The following DNAH10 variants were observed in gnomAD, a reference collection of about 807,000 sequenced individuals.
DNAH10 encodes axonemal beta dynein heavy chain 10.
In DNAH10, 348 loss-of-function variants were observed where a neutral mutation model predicts 506.6. That is an observed-to-expected ratio of 0.69 (90% CI 0.63 to 0.75). DNAH10 has a LOEUF of 0.75. Ranked by LOEUF, DNAH10 falls within the 30% of genes least tolerant of loss-of-function variation. The pLI, the probability that DNAH10 is intolerant of heterozygous loss-of-function variation, is 0.00. For synonymous variants in DNAH10, 2,059 were observed against 2,198.6 expected (o/e 0.94, Z 1.78); for missense variants, 5,179 against 5,787.1 (o/e 0.89, Z 3.41).
chr12:123,879,059 T>C (rs1427412309), intron 48 of DNAH10, among the ~76,000 whole-genome samples: 1 of 152,196 alleles, frequency 6.6e-6, no homozygotes, highest in Non-Finnish European at 1.5e-5. Flanking sequence ...CTACGGATGA[T>C]GACTTTAGGG....
intron 47 of DNAH10, among the ~76,000 whole-genome samples, chr12:123,876,953 C>G (rs1306693495): frequency 6.6e-6 from 1 of 152,068 alleles, no homozygotes; most frequent in African/African-American, 2.4e-5. Flanking sequence ...GAGCAAGACC[C>G]CATCTCAAAA....
chr12:123,915,219 T>A (rs1309938474), intron 62 of DNAH10, among the ~76,000 whole-genome samples: 1 of 150,094 alleles, frequency 6.7e-6, no homozygotes, highest in Non-Finnish European at 1.5e-5. Context: ...GCCTCTCCCC[T>A]CGCAGGCTGT....
At chr12:123,871,286 C>T (rs978104195) in intron 44 of DNAH10, among the ~76,000 whole-genome samples, 171 bp from the exon 45 acceptor site, 5 of 152,140 alleles carry the variant, frequency 3.3e-5, no homozygotes, top group Non-Finnish European at 5.9e-5. Flanking sequence ...CAGAACTGTG[C>T]CAAAGTCAAT....
rs1006549890 is a variant in DNAH10, at chr12:123,808,793, T to C, written c.2988-4T>C. The stretch of plus-strand genomic sequence containing the variant: ...TCTGAGTCTTTCTCATCAACCCCTC[T>C]TAGGAACTTGCAGTCTTTTAATTCT... On this transcript the variant is annotated splice_polypyrimidine_tract_variant and splice_region_variant and intron_variant, in intron 18 of 78. Transcript: ENST00000673944. The C allele has an allele frequency of 6.8e-6, 11 of 1,613,936 alleles. No homozygotes were observed. Among genetic ancestry groups the C allele is most frequent in the Non-Finnish European group, 9.3e-6 (11 of 1,180,008 alleles).
intron 2 of DNAH10, among the ~76,000 whole-genome samples, chr12:123,769,812 G>T (rs1283273691): frequency 6.6e-6 from 1 of 151,720 alleles, no homozygotes; most frequent in African/African-American, 2.4e-5. Flanking sequence ...GGAGTGCTGT[G>T]GTGTGATCAT....
chr12:123,896,510 G>A (rs1045356102), intron 54 of DNAH10, among the ~76,000 whole-genome samples: 8 of 152,246 alleles, frequency 5.3e-5, no homozygotes, highest in Non-Finnish European at 7.4e-5. Flanking sequence ...CACCTTTGCC[G>A]ATATGTGCTG....
Position 123,850,916 on chromosome 12 carries a change from C to T in DNAH10, c.6131C>T (p.Ser2044Phe). The T allele has an allele frequency of 1.2e-6, 2 of 1,613,492 alleles. No individual in the cohort carries two copies. The highest frequency in any genetic ancestry group is 1.1e-5 in the South Asian group (1 of 90,992). ...GAAGGGCAGGAGATTTCCCTGGACT[C>T]CCGCATGGGCATCTTCATCACCATG... Reference protein sequence around the residue: ...QFEGQEISLDSRMGIFITMNP... With the variant: ...QFEGQEISLDFRMGIFITMNP... The change falls in exon 35 of 79, where the codon TCC becomes TTC. Residue 2044 changes from serine (S) to phenylalanine (F), a missense_variant. This residue lies in a region of DNAH10 where 4,844 missense variants were observed against 5,430.5 expected (regional missense o/e 0.89). Transcript: ENST00000673944. This position sits in a 1 kb window ranked among gnomAD's most constrained non-coding sequence, Gnocchi z 5.5.
chr12:123,897,221 G>C (rs920727409), intron 54 of DNAH10, among the ~76,000 whole-genome samples: 1 of 152,174 alleles, frequency 6.6e-6, no homozygotes, highest in Non-Finnish European at 1.5e-5. Context: ...GTATAGATAG[G>C]ACACATTTTG....
At chr12:123,848,172 A>G (rs920141970) in intron 33 of DNAH10, 77 bp downstream of exon 33, 19 of 1,537,360 alleles carry the variant, frequency 1.2e-5, no homozygotes, top group Non-Finnish European at 1.6e-5. Flanking sequence ...TTCACCTCCT[A>G]GTCTTTGACA....
In DNAH10 at chr12:123,799,133, G is replaced by C. The variant is rs1008056405; in HGVS notation, c.2164-113G>C. The C allele has an allele frequency of 5.2e-6, 3 of 572,770 alleles. No individual in the cohort carries two copies. In the African/African-American group the frequency reaches 6.1e-5, roughly 12 times the overall value. The allele number at this position is 572,770 out of a possible 1,614,324, so 35.5% of individuals were successfully genotyped here. On this transcript the variant is annotated intron_variant, in intron 13 of 78. Transcript: ENST00000673944. Reference sequence around the variant, plus strand: ...AAAAAAAAAAAAAAAATTATATAATGTTTATAATAATTTATATATTATATT... The same window carrying C: ...AAAAAAAAAAAAAAAATTATATAATCTTTATAATAATTTATATATTATATT...
intron 21 of DNAH10, among the ~76,000 whole-genome samples, chr12:123,817,301 A>AT (rs916876382): frequency 7.4e-5 from 11 of 149,230 alleles, no homozygotes; most frequent in African/African-American, 2.2e-4. Flanking sequence ...TTTTTGCCTT[A>AT]TTTTTTTTCC....
At chr12:123,763,468 G>GA (rs1447762799) in intron 1 of DNAH10, among the ~76,000 whole-genome samples, 2 of 152,058 alleles carry the variant, frequency 1.3e-5, no homozygotes, top group African/African-American at 4.8e-5. Context: ...TCCCTTGCAG[G>GA]GCCTCTCACT....
At chr12:123,776,044 A>C (rs954080073) in intron 5 of DNAH10, among the ~76,000 whole-genome samples, 1 of 152,172 alleles carries the variant, frequency 6.6e-6, no homozygotes, top group African/African-American at 2.4e-5. Context: ...CTCACTCACT[A>C]TCATGAGAAC....
rs71444923 is a variant in DNAH10 at position 123,896,148 on chromosome 12, CAGAGAG to C, written c.9280+1467_9280+1472del. Among the ~76,000 whole-genome samples, 697 of 95,136 alleles carry C rather than the reference CAGAGAG, an allele frequency of 7.3e-3. 5 individuals carry two copies. The highest frequency in any genetic ancestry group is 0.013 in the African/African-American group (245 of 19,292). The allele number at this position is 95,136 out of a possible 152,430, so 62.4% of individuals were successfully genotyped here. ...ACACACACACACACACACACACACA[CAGAGAG>C]AGAGAGAGAGAGAGAGAGAGAGAGA... On this transcript the variant is annotated intron_variant, in intron 54 of 78. Coordinates refer to ENST00000673944, the MANE Select transcript of DNAH10 (RefSeq NM_001372106.1).
chr12:123,840,213 G>A (rs1270553871), intron 29 of DNAH10, among the ~76,000 whole-genome samples: 1 of 151,934 alleles, frequency 6.6e-6, no homozygotes, highest in African/African-American at 2.4e-5. Flanking sequence ...ATCCCCGGCT[G>A]AGAATGAGTG....
intron 14 of DNAH10, among the ~76,000 whole-genome samples, chr12:123,799,819 A>G (rs1026012369): frequency 6.6e-6 from 1 of 152,138 alleles, no homozygotes; most frequent in Admixed American, 6.5e-5. Context: ...TTAGGGAGGA[A>G]AGATGCAGCC....
chr12:123,882,919 A>C lies in DNAH10; in HGVS notation c.8823+1106A>C, dbSNP rs1420305020. On this transcript the variant is annotated intron_variant, in intron 51 of 78. Transcript: ENST00000673944. ...TCATCAAGCCCTGAGCAACTAACGG[A>C]CTAATCTGCTTTCTGTCTCTATAGT... is the stretch of plus-strand genomic sequence containing the variant. Among the ~76,000 whole-genome samples the C allele has an allele frequency of 3.3e-5, 5 of 151,928 alleles. No homozygotes were observed. The East Asian group carries it at 9.6e-4, about 29-fold the overall frequency.
intron 29 of DNAH10, among the ~76,000 whole-genome samples, chr12:123,839,432 G>A (rs1433548892): frequency 6.6e-6 from 1 of 151,990 alleles, no homozygotes; most frequent in African/African-American, 2.4e-5. Flanking sequence ...AACCCCAATG[G>A]TTACCTGTTT....
chr12:123,877,059 A>G lies in DNAH10; in HGVS notation c.8200-677A>G, dbSNP rs1174405383. On this transcript the variant is annotated intron_variant, in intron 47 of 78. Transcript: ENST00000673944. Reference sequence around the variant, plus strand: ...TTCACAGCGTTGTGCAACCATCAGCAACGTCTAACCCCAGAACATTTTCAT... The same window carrying G: ...TTCACAGCGTTGTGCAACCATCAGCGACGTCTAACCCCAGAACATTTTCAT... Among the ~76,000 whole-genome samples the G allele has an allele frequency of 2.6e-5, 4 of 152,190 alleles. No individual in the cohort carries two copies. In the East Asian group the frequency reaches 7.7e-4, roughly 29 times the overall value.
Sources: allele counts gnomAD v4.1 joint callset (sites outside exome capture counted in the v4.1 genomes callset), GRCh38; gene constraint gnomAD v4.1.1; regional missense constraint gnomAD v4.1.1; non-coding constraint Gnocchi (gnomAD v3.1); transcripts MANE v1.5; gene names NCBI Gene and HGNC (gene_info 2026-07-23, HGNC 2026-07-21).